The following ADAM32 variants were observed in gnomAD, a reference collection of about 807,000 sequenced individuals.
ADAM32 encodes the protein disintegrin and metalloproteinase domain-containing protein 32.
Under a neutral mutation model 114.9 loss-of-function variants are expected in ADAM32, and 89 were observed. That is an observed-to-expected ratio of 0.77 (90% confidence interval 0.65 to 0.92). The LOEUF is 0.92. Ranked by LOEUF, ADAM32 falls within the 40% of genes least tolerant of loss-of-function variation. The pLI, the probability that ADAM32 is intolerant of heterozygous loss-of-function variation, is 0.00. For synonymous variants in ADAM32, 285 were observed against 307.5 expected (o/e 0.93, Z 0.77); for missense variants, 870 against 932.8 (o/e 0.93, Z 0.88).
At chr8:39,214,034 T>C (rs1808399115) in intron 12 of ADAM32, among the ~76,000 whole-genome samples, 1 of 152,288 alleles carries the variant, frequency 6.6e-6, no homozygotes, top group East Asian at 1.9e-4. Context: ...TTTTTATGGG[T>C]GAATAGTACT....
intron 17 of ADAM32, among the ~76,000 whole-genome samples, chr8:39,252,981 A>G (rs1284107549): frequency 2.0e-5 from 3 of 151,728 alleles, no homozygotes; most frequent in Non-Finnish European, 3.0e-5. Context: ...TTAAACATTT[A>G]CAGAAGAATT....
chr8:39,125,117 A>G (rs1334400908), intron 2 of ADAM32, among the ~76,000 whole-genome samples: 1 of 152,026 alleles, frequency 6.6e-6, no homozygotes, highest in Non-Finnish European at 1.5e-5. Context: ...AGTTTTTTTC[A>G]TATGTTTGTT....
chr8:39,257,383 A>T, intron 19 of ADAM32, 40 bp downstream of exon 19: 1 of 1,603,514 alleles, frequency 6.2e-7, no homozygotes, highest in Non-Finnish European at 8.5e-7. Flanking sequence ...CATTAGTACC[A>T]TTTGAATCTA....
chr8:39,266,208 T>C (rs1341088622), intron 19 of ADAM32, among the ~76,000 whole-genome samples: 1 of 152,192 alleles, frequency 6.6e-6, no homozygotes, highest in Admixed American at 6.5e-5. Context: ...CATGTCAACA[T>C]CTCTAGTGAG....
chr8:39,134,778 G>C (rs1276427182), intron 2 of ADAM32, among the ~76,000 whole-genome samples: 1 of 152,076 alleles, frequency 6.6e-6, no homozygotes, highest in East Asian at 1.9e-4. Context: ...TATTATCTGG[G>C]ACACTAATAA....
intron 10 of ADAM32, among the ~76,000 whole-genome samples, chr8:39,172,850 A>G (rs1198279203): frequency 6.6e-6 from 1 of 152,220 alleles, no homozygotes; most frequent in East Asian, 1.9e-4. Context: ...TCCTTTGGGT[A>G]TATACCCAGT....
chr8:39,227,160 G>C (rs1809434812), intron 14 of ADAM32, among the ~76,000 whole-genome samples: 1 of 152,116 alleles, frequency 6.6e-6, no homozygotes, highest in Admixed American at 6.5e-5. Context: ...TGCAGGACCT[G>C]GGAGATACCC....
At chr8:39,267,200 G>A (rs180702695) in intron 19 of ADAM32, among the ~76,000 whole-genome samples, 10 of 152,322 alleles carry the variant, frequency 6.6e-5, no homozygotes, top group Admixed American at 6.5e-5. Flanking sequence ...GTGCCCATGC[G>A]TACTGGTGAG....
chr8:39,218,804 CT>C (rs1808757940), intron 12 of ADAM32, among the ~76,000 whole-genome samples: 1 of 152,048 alleles, frequency 6.6e-6, no homozygotes, highest in South Asian at 2.1e-4. Context: ...GAAGTGCTAT[CT>C]AAGAGAAAAG....
intron 11 of ADAM32, among the ~76,000 whole-genome samples, chr8:39,195,923 G>A (rs936021927): frequency 6.6e-6 from 1 of 152,068 alleles, no homozygotes; most frequent in South Asian, 2.1e-4. Flanking sequence ...TCTGTAGATC[G>A]CTTTGGGTGG....
chr8:39,163,014 C>G (rs537749428), intron 7 of ADAM32, among the ~76,000 whole-genome samples: 1 of 152,198 alleles, frequency 6.6e-6, no homozygotes, highest in African/African-American at 2.4e-5. Flanking sequence ...AACAAAGAAA[C>G]AAACAAACAA....
At position 39,281,120 on chromosome 8, in the gene ADAM32, T is replaced by C; in HGVS notation, c.2280-16T>C. The stretch of plus-strand genomic sequence containing the variant: ...TAATAGATATTTAATATATATTGTT[T>C]TTAATTTATTTTTAGATCCAAATCA... On this transcript the variant is annotated splice_polypyrimidine_tract_variant and intron_variant, in intron 22 of 24. Transcript: ENST00000379907. 7.8e-7 allele frequency: 1 copy of C among 1,281,374 alleles called. No individual in the cohort carries two copies. Among genetic ancestry groups the C allele is most frequent in the Non-Finnish European group, 1.0e-6 (1 of 979,112 alleles). The allele number at this position is 1,281,374 out of a possible 1,614,324, so 79.4% of individuals were successfully genotyped here.
At chr8:39,231,075 G>T (rs944517432) in intron 14 of ADAM32, among the ~76,000 whole-genome samples, 1 of 152,094 alleles carries the variant, frequency 6.6e-6, no homozygotes, top group Admixed American at 6.6e-5. Context: ...CCTGTGATTA[G>T]CTTATATAGT....
intron 2 of ADAM32, among the ~76,000 whole-genome samples, chr8:39,124,622 T>G (rs1019259284): frequency 6.6e-6 from 1 of 152,086 alleles, no homozygotes; most frequent in Non-Finnish European, 1.5e-5. Context: ...TTCACCGTGT[T>G]AGCCAGGATG....
chr8:39,189,545 G>A (rs1010257111), intron 11 of ADAM32, among the ~76,000 whole-genome samples: 9 of 151,824 alleles, frequency 5.9e-5, no homozygotes, highest in African/African-American at 2.2e-4. Context: ...ATCTGTATAC[G>A]TGTGTGATGA....
chr8:39,167,783 T>C (rs1804936411), intron 9 of ADAM32: 1 of 152,206 alleles, frequency 6.6e-6, no homozygotes, highest in African/African-American at 2.4e-5. Context: ...TCCTAAGTAT[T>C]TTATTTTTTT....
intron 14 of ADAM32, among the ~76,000 whole-genome samples, chr8:39,231,240 A>G (rs1809714870): frequency 1.3e-5 from 2 of 152,172 alleles, no homozygotes; most frequent in Admixed American, 1.3e-4. Context: ...GTTTAGAGGA[A>G]GAAAGCTGCT....
chr8:39,139,358 G>A (rs1432741018), intron 3 of ADAM32, among the ~76,000 whole-genome samples: 2 of 152,190 alleles, frequency 1.3e-5, no homozygotes, highest in African/African-American at 4.8e-5. Flanking sequence ...TTTGTATGGT[G>A]TAAGGAAGGG....
intron 20 of ADAM32, among the ~76,000 whole-genome samples, chr8:39,271,627 T>G (rs909440534): frequency 2.6e-4 from 39 of 151,802 alleles, no homozygotes; most frequent in African/African-American, 8.5e-4. Context: ...GAAAAAAGAT[T>G]TTATTTTTAA....
Sources: gnomAD v4.1 joint callset for allele counts (sites outside exome capture counted in the v4.1 genomes callset) on GRCh38, gnomAD v4.1.1 for gene constraint, MANE v1.5 for transcripts, NCBI Gene and HGNC (gene_info 2026-07-23, HGNC 2026-07-21) for gene names.